The following SGCZ variants were observed in gnomAD, a reference collection of about 807,000 sequenced individuals.
SGCZ encodes the protein zeta-sarcoglycan.
SGCZ carries 40 observed loss-of-function variants against 41.3 expected under a neutral mutation model. That is an observed-to-expected ratio of 0.97 (90% CI 0.75 to 1.26). The LOEUF is 1.26. SGCZ is among the 50% of genes most tolerant of loss of function. SGCZ has a pLI of 0.00. For synonymous variants in SGCZ, 206 were observed against 137.5 expected, an observed-to-expected ratio of 1.50 and a Z score of -3.49; for missense variants, 552 against 369.8, an observed-to-expected ratio of 1.49 and a Z score of -4.04.
intron 1 of SGCZ, among the ~76,000 whole-genome samples, chr8:15,214,660 C>T (rs1028158292): frequency 1.3e-5 from 2 of 152,076 alleles, no homozygotes; most frequent in African/African-American, 2.4e-5. Flanking sequence ...GGGGAGCTCA[C>T]GTTACAATTT....
intron 1 of SGCZ, among the ~76,000 whole-genome samples, chr8:15,209,639 TA>T (rs1371654202): frequency 6.6e-6 from 1 of 152,100 alleles, no homozygotes; most frequent in Non-Finnish European, 1.5e-5. Context: ...GATTGAAGTT[TA>T]AAAGATCTAA....
chr8:14,574,529 A>G (rs527860584), intron 1 of SGCZ, among the ~76,000 whole-genome samples: 220 of 152,322 alleles, frequency 1.4e-3, no homozygotes, highest in African/African-American at 5.1e-3. Context: ...GAAGAATCTG[A>G]GCAGACAGGA....
At chr8:14,833,465 T>C (rs1253045018) in intron 1 of SGCZ, among the ~76,000 whole-genome samples, 1 of 152,194 alleles carries the variant, frequency 6.6e-6, no homozygotes, top group Non-Finnish European at 1.5e-5. Context: ...CCCATTGACA[T>C]GGGTCCAGGA....
chr8:15,197,057 T>A (rs1248070916), intron 1 of SGCZ, among the ~76,000 whole-genome samples: 2 of 152,230 alleles, frequency 1.3e-5, no homozygotes, highest in African/African-American at 2.4e-5. Flanking sequence ...TGACACTCAT[T>A]CTTACCAGAA....
At chr8:14,631,051 G>A (rs1022331779) in intron 1 of SGCZ, among the ~76,000 whole-genome samples, 1 of 151,922 alleles carries the variant, frequency 6.6e-6, no homozygotes, top group African/African-American at 2.4e-5. Context: ...AAATTTATAT[G>A]TAATAAAAAA....
intron 1 of SGCZ, among the ~76,000 whole-genome samples, chr8:14,901,452 C>T (rs377760405): frequency 2.6e-5 from 4 of 152,102 alleles, no homozygotes; most frequent in Admixed American, 6.6e-5. Flanking sequence ...TAGGCGTATA[C>T]GTTTTTCCTT....
At chr8:14,220,163 G>A (rs13270134) in intron 4 of SGCZ, among the ~76,000 whole-genome samples, 36,160 of 152,058 alleles carry the variant, frequency 0.24, 5,537 homozygotes, top group Non-Finnish European at 0.34. Flanking sequence ...GGAGGCAGAA[G>A]AATGGCTTTT....
intron 3 of SGCZ, among the ~76,000 whole-genome samples, chr8:14,248,754 C>CT (rs35547590): frequency 0.33 from 49,111 of 149,936 alleles, 8,392 homozygotes; most frequent in Non-Finnish European, 0.39. Context: ...GAAAAAAAAT[C>CT]TTTTTTTTTC....
chr8:14,195,658 T>C (rs111834751), intron 4 of SGCZ, among the ~76,000 whole-genome samples: 5 of 152,126 alleles, frequency 3.3e-5, no homozygotes, highest in African/African-American at 1.2e-4. Context: ...CAGTCATAAA[T>C]AAAAGACACT....
At chr8:15,181,516 T>C (rs1333887601) in intron 1 of SGCZ, among the ~76,000 whole-genome samples, 2 of 152,190 alleles carry the variant, frequency 1.3e-5, no homozygotes, top group African/African-American at 4.8e-5. Flanking sequence ...TACAAATTTG[T>C]TCTGTGTGAT....
chr8:14,313,295 C>T (rs1342330941), intron 3 of SGCZ, among the ~76,000 whole-genome samples: 1 of 152,052 alleles, frequency 6.6e-6, no homozygotes, highest in African/African-American at 2.4e-5. Context: ...TTGTCTGCTA[C>T]CCCAGGGCTG....
At chr8:14,129,333 G>C (rs7827208) in intron 5 of SGCZ, among the ~76,000 whole-genome samples, 2 of 113,300 alleles carry the variant, frequency 1.8e-5, no homozygotes, top group African/African-American at 3.4e-5. Flanking sequence ...GTGACAGAGC[G>C]AGACTCCGTC....
intron 5 of SGCZ, among the ~76,000 whole-genome samples, chr8:14,155,703 ATATATAT>A (rs1803856003): frequency 6.7e-6 from 1 of 150,028 alleles, no homozygotes; most frequent in Admixed American, 6.7e-5. Flanking sequence ...TATATGTAAA[ATATATAT>A]TATATATTTA....
intron 2 of SGCZ, among the ~76,000 whole-genome samples, chr8:14,492,469 T>C (rs889030028): frequency 2.6e-5 from 4 of 152,238 alleles, no homozygotes; most frequent in African/African-American, 9.6e-5. Context: ...TTCCATTTTA[T>C]ACTATTTCCT....
At chr8:14,267,967 G>T (rs1443072780) in intron 3 of SGCZ, among the ~76,000 whole-genome samples, 1 of 151,598 alleles carries the variant, frequency 6.6e-6, no homozygotes, top group Non-Finnish European at 1.5e-5. Context: ...TTCAAAATTG[G>T]TCAATTATAG....
Position 14,567,662 on chromosome 8 carries a change from G to C in SGCZ, c.40-12736C>G, listed in dbSNP as rs551373883. On this transcript the variant is annotated intron_variant, in intron 1 of 7. Coordinates refer to ENST00000382080, the MANE Select transcript of SGCZ (RefSeq NM_139167.4). Reference sequence around the variant, plus strand: ...CACAGTGTGGAGGGTTTGTTCTTTCGCTCTTTGCAATAAGTCTTGATACTG... The same window carrying C: ...CACAGTGTGGAGGGTTTGTTCTTTCCCTCTTTGCAATAAGTCTTGATACTG... Among the ~76,000 whole-genome samples the C allele has an allele frequency of 2.0e-5, 3 of 152,208 alleles. No individual in the cohort carries two copies. The South Asian group carries it at 6.2e-4, about 32-fold the overall frequency.
At chr8:14,963,661 C>T (rs972813708) in intron 1 of SGCZ, among the ~76,000 whole-genome samples, 1 of 152,072 alleles carries the variant, frequency 6.6e-6, no homozygotes, top group Non-Finnish European at 1.5e-5. Flanking sequence ...AATTCATTTT[C>T]TAATTTTCAA....
intron 4 of SGCZ, among the ~76,000 whole-genome samples, chr8:14,230,323 A>T (rs901117343): frequency 2.0e-5 from 3 of 152,128 alleles, no homozygotes; most frequent in African/African-American, 7.2e-5. Flanking sequence ...ATGCAGTGTG[A>T]ACAAAAAAAT....
At chr8:14,417,242 T>C (rs1312953424) in intron 2 of SGCZ, among the ~76,000 whole-genome samples, 2 of 151,892 alleles carry the variant, frequency 1.3e-5, no homozygotes, top group East Asian at 3.9e-4. Flanking sequence ...CGTAGTGCAA[T>C]AGGCAAGTAT....
Sources: gnomAD v4.1 joint callset for allele counts (sites outside exome capture counted in the v4.1 genomes callset) on GRCh38, gnomAD v4.1.1 for gene constraint, MANE v1.5 for transcripts, NCBI Gene and HGNC (gene_info 2026-07-23, HGNC 2026-07-21) for gene names.